CTBP2: variants seen among roughly 807,000 people sequenced by gnomAD.
The protein encoded by CTBP2 is C-terminal-binding protein 2.
CTBP2 carries 30 observed loss-of-function variants against 80.3 expected under a neutral mutation model. The observed-to-expected ratio is 0.37, with a 90% CI of 0.28 to 0.51. The LOEUF (loss-of-function observed/expected upper bound fraction) is 0.51, where lower values mean the gene tolerates loss of function less well. Ranked by LOEUF, CTBP2 falls within the 20% of genes least tolerant of loss-of-function variation. CTBP2 has a pLI of 0.93. For missense variants in CTBP2, 1,212 were observed against 1,375.3 expected (o/e 0.88, Z 1.88); for synonymous variants, 594 against 587.4 (o/e 1.01, Z -0.16).
chr10:125,060,380 T>C (rs952116877), intron 2 of CTBP2, among the ~76,000 whole-genome samples: 1 of 152,202 alleles, frequency 6.6e-6, no homozygotes, highest in African/African-American at 2.4e-5. Context: ...TTATTTGAGT[T>C]CAAGTACTTT....
chr10:125,055,694 G>C (rs1963746935), intron 2 of CTBP2, among the ~76,000 whole-genome samples: 1 of 152,072 alleles, frequency 6.6e-6, no homozygotes, highest in South Asian at 2.1e-4. Flanking sequence ...AGCAGACACA[G>C]AACATCTGCA....
intron 2 of CTBP2, among the ~76,000 whole-genome samples, chr10:125,065,513 C>T (rs1344784234): frequency 6.6e-6 from 1 of 152,138 alleles, no homozygotes; most frequent in African/African-American, 2.4e-5. Flanking sequence ...CAGGATCCGG[C>T]TAACAAATGC....
intron 2 of CTBP2, among the ~76,000 whole-genome samples, chr10:125,099,087 G>C (rs1850210548): frequency 6.6e-6 from 1 of 152,214 alleles, no homozygotes; most frequent in South Asian, 2.1e-4. Flanking sequence ...CACACGGTCA[G>C]GCACGTTCAG....
At chr10:125,133,541 G>A (rs975371199) in intron 1 of CTBP2, 1 of 152,270 alleles carries the variant, frequency 6.6e-6, no homozygotes, top group African/African-American at 2.4e-5. Context: ...CAGCCAGGAG[G>A]AGCGCAGGCA....
chr10:125,069,396 T>G (rs1408659262), intron 2 of CTBP2, among the ~76,000 whole-genome samples: 1 of 152,164 alleles, frequency 6.6e-6, no homozygotes, highest in Non-Finnish European at 1.5e-5. Context: ...GGTGCGTGGA[T>G]CAACTGAGGT....
At chr10:125,155,655 A>T (rs1219371035) in intron 1 of CTBP2, among the ~76,000 whole-genome samples, 2 of 151,866 alleles carry the variant, frequency 1.3e-5, no homozygotes, top group Non-Finnish European at 2.9e-5. Flanking sequence ...CAATTATTAA[A>T]TATAATTTTC....
At chr10:125,152,768 C>T (rs1413188601) in intron 1 of CTBP2, among the ~76,000 whole-genome samples, 2 of 152,184 alleles carry the variant, frequency 1.3e-5, no homozygotes, top group African/African-American at 4.8e-5. Context: ...TCTCTGCCTG[C>T]TCCTGAAACA....
At chr10:125,152,522 A>G (rs538802098) in intron 1 of CTBP2, among the ~76,000 whole-genome samples, 39 of 152,350 alleles carry the variant, frequency 2.6e-4, no homozygotes, top group Non-Finnish European at 5.1e-4. Context: ...AGGCAATTCA[A>G]TATTTCTTCC....
In CTBP2 at chr10:124,994,564, G is replaced by A. The variant is rs749510602; in HGVS notation, c.2305C>T (p.Leu769=). The stretch of plus-strand genomic sequence containing the variant: ...TCGCTCTGATACAGCAAATCCTGCA[G>A]GGTGTAGACCCTCTGCACGCCCAGG... The change falls in exon 5 of 9, where the codon CTG becomes TTG. Residue 769 remains leucine, a synonymous_variant. Coordinates refer to ENST00000309035, the MANE Select transcript of CTBP2 (RefSeq NM_022802.3). 10 of 1,613,924 alleles carry A rather than the reference G, an allele frequency of 6.2e-6. No individual in the cohort carries two copies. In the South Asian group the frequency reaches 1.1e-4, roughly 18 times the overall value.
At chr10:125,078,965 C>A (rs58189629) in intron 2 of CTBP2, among the ~76,000 whole-genome samples, 9,397 of 145,876 alleles carry the variant, frequency 0.064, 308 homozygotes, top group East Asian at 0.1. Flanking sequence ...ATGGTGAAAC[C>A]CTGTCTCTAC....
At position 124,986,291 on chromosome 10, in the gene CTBP2, G is replaced by GCGCACA. The variant is rs879175826; in HGVS notation, c.*3226_*3227insTGTGCG. The GCGCACA allele has an allele frequency of 8.6e-5, 10 of 116,020 alleles. No homozygotes were observed. Among genetic ancestry groups the GCGCACA allele is most frequent in the African/African-American group, 3.3e-4 (10 of 30,496 alleles). The allele number at this position is 116,020 out of a possible 1,614,324, so 7.2% of individuals were successfully genotyped here. ...AGACGACACACGCACGCGCGCGCGC[G>GCGCACA]CACACACACACACACACACACACAC... On this transcript the variant is annotated 3_prime_UTR_variant, in exon 9 of 9. Coordinates refer to ENST00000309035, the MANE Select transcript of CTBP2 (RefSeq NM_022802.3).
chr10:125,084,863 G>A (rs1847743773), intron 2 of CTBP2, among the ~76,000 whole-genome samples: 1 of 152,100 alleles, frequency 6.6e-6, no homozygotes, highest in Admixed American at 6.6e-5. Context: ...CAAAGGTTTG[G>A]CCTTCGCCAC....
At chr10:125,002,923 G>T in intron 3 of CTBP2, 37 bp downstream of exon 5, 1 of 1,607,998 alleles carries the variant, frequency 6.2e-7, no homozygotes. Context: ...ACAGAGCTCC[G>T]GACAACTCCA....
Position 124,985,051 on chromosome 10 carries a change from G to C in CTBP2, c.*4467C>G. On this transcript the variant is annotated 3_prime_UTR_variant, in exon 9 of 9. Transcript: ENST00000309035. ...CAGATCTGTAATGACCCTAAAGTTA[G>C]TGTGGTGCTCCAAGCAGAGTCGACA... 1.5e-6 allele frequency: 2 copies of C among 1,348,350 alleles called. No individual in the cohort carries two copies. The highest frequency in any genetic ancestry group is 2.1e-6 in the Non-Finnish European group (2 of 967,206). The allele number at this position is 1,348,350 out of a possible 1,614,324, so 83.5% of individuals were successfully genotyped here.
At chr10:125,155,553 T>C (rs1860763603) in intron 1 of CTBP2, among the ~76,000 whole-genome samples, 1 of 152,184 alleles carries the variant, frequency 6.6e-6, no homozygotes, top group Non-Finnish European at 1.5e-5. Flanking sequence ...GTGAATATCA[T>C]TAGAGTCACA....
chr10:125,027,496 G>A lies in CTBP2; in HGVS notation c.264C>T (p.Asp88=). ...CCTGTCTGCTGTCGTAGAAGGTGAA[G>A]TCAGGAGTAGACCCCTTTCTTGCAG... The change falls in exon 1 of 9, where the codon GAC becomes GAT. Residue 88 remains aspartate (D), a synonymous_variant. Transcript: ENST00000309035. 1 of 1,614,156 alleles carries A rather than the reference G, an allele frequency of 6.2e-7. No individual in the cohort carries two copies. The highest frequency in any genetic ancestry group is 8.5e-7 in the Non-Finnish European group (1 of 1,180,022).
upstream of CTBP2, among the ~76,000 whole-genome samples, chr10:125,161,490 G>A (rs944586105): frequency 6.6e-6 from 1 of 152,006 alleles, no homozygotes; most frequent in African/African-American, 2.4e-5. Flanking sequence ...CCGGCCCCCG[G>A]GCTCCAACTT....
chr10:125,027,329 C>T lies in CTBP2; in HGVS notation c.431G>A (p.Ser144Asn). 1 of 1,613,742 alleles carries T rather than the reference C, an allele frequency of 6.2e-7. No homozygotes were observed. The highest frequency in any genetic ancestry group is 1.7e-5 in the Admixed American group (1 of 60,030). ...TTGCATTGGATCCCATGACGTTCTG[C>T]TGCCAAGCACTCCGTAGCTGGGGAC... The change falls in exon 1 of 9, where the codon AGC becomes AAC. Residue 144 changes from serine (S) to asparagine (N), a missense_variant. Physicochemically the swap from Ser to Asn is conservative, Grantham distance 46. Around this residue, in one of 3 missense-constraint regions of CTBP2, gnomAD observed 848 missense variants for 782.3 expected, o/e 1.08. Coordinates refer to ENST00000309035, the MANE Select transcript of CTBP2 (RefSeq NM_022802.3).
Position 125,066,298 on chromosome 10 carries a change from C to G in CTBP2, c.-101-27143G>C, listed in dbSNP as rs1016537531. ...ATCCTAACCCCAGCAGAGCCAGAGA[C>G]TCAATGCTTTGTGTCACATGGAGCT... On this transcript the variant is annotated intron_variant, in intron 2 of 10. Transcript: ENST00000337195. The surrounding 1 kb of genome is among the most constrained non-coding windows in gnomAD (Gnocchi z 4.1). 6.6e-6 allele frequency among the ~76,000 whole-genome samples: 1 copy of G among 152,130 alleles called. No individual in the cohort carries two copies. Among genetic ancestry groups the G allele is most frequent in the African/African-American group, 2.4e-5 (1 of 41,438 alleles).
Sources: gnomAD v4.1 joint callset for allele counts (sites outside exome capture counted in the v4.1 genomes callset) on GRCh38, gnomAD v4.1.1 for gene constraint, gnomAD v4.1.1 regional missense constraint, Gnocchi (gnomAD v3.1) non-coding constraint, MANE v1.5 for transcripts, NCBI Gene and HGNC (gene_info 2026-07-23, HGNC 2026-07-21) for gene names.